The following EFCAB6 variants were observed in gnomAD, a reference collection of about 807,000 sequenced individuals.
EFCAB6 encodes the protein EF-hand calcium binding domain 6, also known as EF-hand calcium-binding domain-containing protein 6.
EFCAB6 carries 156 observed loss-of-function variants against 169.8 expected under a neutral mutation model. That is an observed-to-expected ratio of 0.92 (90% CI 0.81 to 1.05). The LOEUF (loss-of-function observed/expected upper bound fraction) is 1.05, where lower values mean the gene tolerates loss of function less well. Ranked by LOEUF, EFCAB6 falls within the 50% of genes least tolerant of loss-of-function variation. The probability of loss-of-function intolerance (pLI) is 0.00; values close to 1 mark genes in which losing one functional copy is unlikely to be tolerated. For missense variants in EFCAB6, 1,800 were observed against 1,829.1 expected (o/e 0.98, Z 0.29); for synonymous variants, 698 against 676.4 (o/e 1.03, Z -0.50).
intron 22 of EFCAB6, among the ~76,000 whole-genome samples, chr22:43,606,600 T>A (rs2052933670): frequency 6.6e-6 from 1 of 152,188 alleles, no homozygotes; most frequent in South Asian, 2.1e-4. Context: ...AGTAACTTGA[T>A]GGAGGCCACA....
chr22:43,745,825 A>G (rs1159125636), intron 6 of EFCAB6, among the ~76,000 whole-genome samples: 9 of 152,238 alleles, frequency 5.9e-5, no homozygotes. Flanking sequence ...CCCAGAAGAA[A>G]GGAAGGGGGA....
At chr22:43,642,547 G>T (rs1319171310) in intron 17 of EFCAB6, among the ~76,000 whole-genome samples, 1 of 152,154 alleles carries the variant, frequency 6.6e-6, no homozygotes, top group Admixed American at 6.5e-5. Flanking sequence ...GGCATGATCT[G>T]AGAGTTCCAG....
intron 13 of EFCAB6, among the ~76,000 whole-genome samples, chr22:43,677,005 C>G (rs747294722): frequency 1.3e-5 from 2 of 152,126 alleles, no homozygotes; most frequent in African/African-American, 2.4e-5. Context: ...GATTTTGATT[C>G]ATAGGGATGC....
chr22:43,564,856 TC>T (rs1175670446), intron 26 of EFCAB6, among the ~76,000 whole-genome samples: 8 of 152,194 alleles, frequency 5.3e-5, no homozygotes, highest in Non-Finnish European at 1.0e-4. Flanking sequence ...CTATGGATGA[TC>T]GGGAAGACAG....
intron 10 of EFCAB6, among the ~76,000 whole-genome samples, chr22:43,703,362 T>C (rs2058835598): frequency 6.6e-6 from 1 of 152,182 alleles, no homozygotes; most frequent in African/African-American, 2.4e-5. Context: ...TGAATATCTA[T>C]TTCTGCCAAA....
chr22:43,592,939 T>C (rs2051678090), intron 23 of EFCAB6, among the ~76,000 whole-genome samples: 1 of 152,208 alleles, frequency 6.6e-6, no homozygotes, highest in Non-Finnish European at 1.5e-5. Flanking sequence ...CTTTAAAATG[T>C]ATTTAGGGCA....
intron 10 of EFCAB6, among the ~76,000 whole-genome samples, chr22:43,699,433 T>C (rs2058690672): frequency 6.6e-6 from 1 of 152,198 alleles, no homozygotes; most frequent in Non-Finnish European, 1.5e-5. Flanking sequence ...GGCTTCCCCC[T>C]GTTCGTATCC....
intron 26 of EFCAB6, among the ~76,000 whole-genome samples, chr22:43,561,573 G>A (rs2049039831): frequency 6.6e-6 from 1 of 152,056 alleles, no homozygotes. Context: ...TTGCTGGTGG[G>A]AGAGCGCCTG....
At chr22:43,794,066 T>C (rs1373212895) in intron 2 of EFCAB6, among the ~76,000 whole-genome samples, 1 of 152,144 alleles carries the variant, frequency 6.6e-6, no homozygotes, top group Non-Finnish European at 1.5e-5. Context: ...AAACTGACTC[T>C]CTGGGGGATG....
At chr22:43,761,665 C>G (rs1049194424) in intron 5 of EFCAB6, among the ~76,000 whole-genome samples, 3 of 152,000 alleles carry the variant, frequency 2.0e-5, no homozygotes, top group Admixed American at 6.5e-5. Flanking sequence ...GTTTGGAGAC[C>G]TGATTCTATT....
chr22:43,749,159 G>C (rs2060667876), intron 6 of EFCAB6, among the ~76,000 whole-genome samples: 1 of 152,140 alleles, frequency 6.6e-6, no homozygotes, highest in Non-Finnish European at 1.5e-5. Context: ...GCACTGGTAA[G>C]GGAGAGGTAA....
At chr22:43,577,277 G>C (rs1192331679) in intron 25 of EFCAB6, among the ~76,000 whole-genome samples, 1 of 152,206 alleles carries the variant, frequency 6.6e-6, no homozygotes, top group Admixed American at 6.5e-5. Flanking sequence ...TCCAGGGGTA[G>C]ATTAAGATCT....
intron 19 of EFCAB6, among the ~76,000 whole-genome samples, chr22:43,631,705 AT>A (rs2054957447): frequency 6.6e-6 from 1 of 152,050 alleles, no homozygotes; most frequent in African/African-American, 2.4e-5. Flanking sequence ...GGTAGCTTTC[AT>A]CCCCAGCATT....
Position 43,590,054 on chromosome 22 carries a change from T to C in EFCAB6, c.3032+20A>G. On this transcript the variant is annotated intron_variant, in intron 24 of 31. Transcript: ENST00000262726. The stretch of plus-strand genomic sequence containing the variant: ...TTTTTCAGGGCCATGAGAAACATAT[T>C]TAACTGAGTCCAAAAAGACCTGTTT... The C allele has an allele frequency of 6.2e-7, 1 of 1,608,398 alleles. No individual in the cohort carries two copies.
intron 6 of EFCAB6, among the ~76,000 whole-genome samples, chr22:43,747,405 C>T (rs995090769): frequency 6.6e-6 from 1 of 152,124 alleles, no homozygotes; most frequent in Admixed American, 6.5e-5. Context: ...AAGCTGGGGC[C>T]GGCTCTGGGG....
intron 11 of EFCAB6, among the ~76,000 whole-genome samples, chr22:43,686,593 G>T (rs1190739603): frequency 2.0e-5 from 3 of 150,970 alleles, no homozygotes; most frequent in Non-Finnish European, 3.0e-5. Flanking sequence ...TTCACATAAC[G>T]AATGAACTCA....
chr22:43,593,046 T>G (rs527896356), intron 23 of EFCAB6, among the ~76,000 whole-genome samples: 1 of 149,588 alleles, frequency 6.7e-6, no homozygotes, highest in Non-Finnish European at 1.5e-5. Context: ...CTGATCAGAG[T>G]GTCAGTATAG....
chr22:43,619,310 C>T (rs191214755), intron 20 of EFCAB6, among the ~76,000 whole-genome samples: 1 of 152,338 alleles, frequency 6.6e-6, no homozygotes, highest in East Asian at 1.9e-4. Context: ...CTAAAACTAA[C>T]TAGGCTGATT....
intron 10 of EFCAB6, among the ~76,000 whole-genome samples, chr22:43,705,290 A>G (rs767713282): frequency 6.6e-6 from 1 of 152,186 alleles, no homozygotes; most frequent in Non-Finnish European, 1.5e-5. Context: ...GGGGATTTCA[A>G]TACCCCACTT....
Sources: allele counts gnomAD v4.1 joint callset (sites outside exome capture counted in the v4.1 genomes callset), GRCh38; gene constraint gnomAD v4.1.1; transcripts MANE v1.5; gene names NCBI Gene and HGNC (gene_info 2026-07-23, HGNC 2026-07-21).